The following MMP26 variants were observed in gnomAD, a reference collection of about 807,000 sequenced individuals.
The protein encoded by MMP26 is matrix metalloproteinase-26.
In MMP26, 33 loss-of-function variants were observed where a neutral mutation model predicts 31.0. The observed-to-expected ratio is 1.06, with a 90% CI of 0.81 to 1.42. The LOEUF (loss-of-function observed/expected upper bound fraction) is 1.42, where lower values mean the gene tolerates loss of function less well. Among genes scored for constraint, MMP26 ranks in the 40% most tolerant of loss-of-function variants. MMP26 has a pLI of 0.00. For missense variants in MMP26, 347 were observed against 316.1 expected (o/e 1.10, Z -0.74); for synonymous variants, 122 against 114.9 (o/e 1.06, Z -0.40).
intron 1 of MMP26, among the ~76,000 whole-genome samples, chr11:4,741,496 C>A (rs988440202): frequency 2.6e-5 from 4 of 152,104 alleles, no homozygotes; most frequent in African/African-American, 9.7e-5. Flanking sequence ...ATGTCCTTTG[C>A]AGGGACATGG....
chr11:4,963,815 G>C (rs1188782918), intron 2 of MMP26, among the ~76,000 whole-genome samples: 1 of 152,106 alleles, frequency 6.6e-6, no homozygotes, highest in Non-Finnish European at 1.5e-5. Context: ...ATTCTGACTG[G>C]TGTGAGATGG....
intron 2 of MMP26, among the ~76,000 whole-genome samples, chr11:4,975,396 C>T (rs892120821): frequency 1.4e-4 from 22 of 152,052 alleles, no homozygotes; most frequent in African/African-American, 5.3e-4. Flanking sequence ...GCCTAGTGTC[C>T]TCCAACTCCC....
chr11:4,731,339 G>A (rs1189233870), intron 1 of MMP26, among the ~76,000 whole-genome samples: 1 of 152,126 alleles, frequency 6.6e-6, no homozygotes, highest in Non-Finnish European at 1.5e-5. Context: ...GTGTGGCCTC[G>A]CTGACACTGA....
chr11:4,851,965 T>A (rs1292166988), intron 2 of MMP26, among the ~76,000 whole-genome samples: 2 of 151,728 alleles, frequency 1.3e-5, no homozygotes, highest in Non-Finnish European at 1.5e-5. Flanking sequence ...AATCACAAAG[T>A]GAATGGACTA....
chr11:4,941,703 A>G (rs10219407), intron 2 of MMP26, among the ~76,000 whole-genome samples: 18,662 of 152,102 alleles, frequency 0.12, 1,244 homozygotes, highest in Middle Eastern at 0.24. Context: ...AAATCTGTCA[A>G]TAATGTTTAA....
At chr11:4,779,247 A>G (rs529218984) in intron 2 of MMP26, among the ~76,000 whole-genome samples, 2 of 151,982 alleles carry the variant, frequency 1.3e-5, no homozygotes, top group Non-Finnish European at 2.9e-5. Context: ...GAAATTTTCT[A>G]TTTCTGGTTT....
chr11:4,940,243 T>G (rs1846188413), intron 2 of MMP26, among the ~76,000 whole-genome samples: 1 of 152,142 alleles, frequency 6.6e-6, no homozygotes, highest in African/African-American at 2.4e-5. Context: ...AATACAGATA[T>G]ACATCCTTCT....
At chr11:4,724,056 G>C in intron 1 of MMP26, 1 of 657,918 alleles carries the variant, frequency 1.5e-6, no homozygotes, top group South Asian at 1.7e-5. Context: ...TACCACTGGG[G>C]AAAAGCTTGA....
intron 2 of MMP26, among the ~76,000 whole-genome samples, chr11:4,815,580 A>C (rs1849409582): frequency 6.6e-6 from 1 of 152,164 alleles, no homozygotes; most frequent in Non-Finnish European, 1.5e-5. Context: ...ACAAAAAAAA[A>C]AAGAAAGAAA....
intron 2 of MMP26, among the ~76,000 whole-genome samples, chr11:4,824,013 G>A (rs1383561924): frequency 6.6e-6 from 1 of 152,022 alleles, no homozygotes; most frequent in Non-Finnish European, 1.5e-5. Context: ...TTAAAGAGTT[G>A]GGTATTCTTT....
At chr11:4,860,544 T>C in intron 2 of MMP26, 1 of 467,690 alleles carries the variant, frequency 2.1e-6, no homozygotes, top group Non-Finnish European at 4.4e-6. Flanking sequence ...GGTTGGCCTG[T>C]GATGCATTCA....
rs752529907 is a variant in MMP26 at position 4,769,564 on chromosome 11, C to T, written c.-145+2223C>T. 13 of 1,613,124 alleles carry T rather than the reference C, an allele frequency of 8.1e-6. No homozygotes were observed. In the South Asian group the frequency reaches 1.1e-4, roughly 14 times the overall value. On this transcript the variant is annotated intron_variant, in intron 2 of 7. Coordinates refer to ENST00000380390, the MANE Select transcript of MMP26 (RefSeq NM_021801.5). ...CCACATAACGGTCAAAGGCTGTAGC[C>T]ACCAGCACTCCAGATTCCATAAAAG...
intron 2 of MMP26, among the ~76,000 whole-genome samples, chr11:4,976,412 C>T (rs1043629156): frequency 6.6e-6 from 1 of 151,966 alleles, no homozygotes; most frequent in Non-Finnish European, 1.5e-5. Flanking sequence ...AAAATCATAA[C>T]AGCTTATTAA....
chr11:4,735,035 G>C (rs990089129), intron 1 of MMP26, among the ~76,000 whole-genome samples: 2 of 152,204 alleles, frequency 1.3e-5, no homozygotes, highest in Non-Finnish European at 2.9e-5. Context: ...TGGAGCCGGG[G>C]TGAGACATAT....
At chr11:4,947,481 T>A (rs1405028879) in intron 2 of MMP26, 3 of 153,442 alleles carry the variant, frequency 2.0e-5, no homozygotes, top group Non-Finnish European at 2.8e-5. Flanking sequence ...CAGTTCTATG[T>A]GATTAATTGC....
intron 1 of MMP26, among the ~76,000 whole-genome samples, chr11:4,741,607 A>G (rs1407956272): frequency 3.1e-5 from 4 of 128,688 alleles, no homozygotes; most frequent in Non-Finnish European, 6.4e-5. Context: ...ATGAGAACAC[A>G]TGGACACAGG....
At chr11:4,723,962 T>G (rs2133277614) in intron 1 of MMP26, 2 of 762,666 alleles carry the variant, frequency 2.6e-6, no homozygotes, top group Non-Finnish European at 2.4e-6. Context: ...CTCAGCAGGT[T>G]CTGGTTGACT....
intron 2 of MMP26, among the ~76,000 whole-genome samples, chr11:4,828,168 A>C (rs1156733447): frequency 6.6e-6 from 1 of 152,146 alleles, no homozygotes; most frequent in Non-Finnish European, 1.5e-5. Flanking sequence ...TGTGTATAAG[A>C]ATAGGAATGT....
chr11:4,893,365 CCA>C (rs1193938655), intron 2 of MMP26, among the ~76,000 whole-genome samples: 1 of 152,100 alleles, frequency 6.6e-6, no homozygotes, highest in Non-Finnish European at 1.5e-5. Flanking sequence ...TAGGAGAAGA[CCA>C]CTAGAAACCT....
Sources: allele counts gnomAD v4.1 joint callset (sites outside exome capture counted in the v4.1 genomes callset), GRCh38; gene constraint gnomAD v4.1.1; transcripts MANE v1.5; gene names NCBI Gene and HGNC (gene_info 2026-07-23, HGNC 2026-07-21).